Variants in ARHGAP1 observed in about 807,000 individuals in gnomAD.
The protein encoded by ARHGAP1 is Rho GTPase activating protein 1, also known as rho GTPase-activating protein 1.
A neutral mutation model predicts 52.2 loss-of-function variants in ARHGAP1; 23 were observed. The observed-to-expected ratio is 0.44, with a 90% CI of 0.32 to 0.62. The LOEUF (loss-of-function observed/expected upper bound fraction) is 0.62. Among genes scored for constraint, ARHGAP1 ranks in the 20% least tolerant of loss-of-function variants. The pLI is 0.05. For missense variants in ARHGAP1, 480 were observed against 560.9 expected (o/e 0.86, Z 1.46); for synonymous variants, 210 against 228.4 (o/e 0.92, Z 0.73).
rs1592382902 is a variant in ARHGAP1 at position 46,679,485 on chromosome 11, C to G, written c.1028-17G>C. The G allele has an allele frequency of 7.0e-7, 1 of 1,432,280 alleles. No individual in the cohort carries two copies. 88.7% of individuals were successfully genotyped at this position (1,432,280 alleles called of 1,614,324 possible). On this transcript the variant is annotated splice_polypyrimidine_tract_variant and intron_variant, in intron 11 of 12. Coordinates refer to ENST00000311956, the MANE Select transcript of ARHGAP1 (RefSeq NM_004308.5). The surrounding 1 kb of genome is among the most constrained non-coding windows in gnomAD (Gnocchi z 4.4). ...CATCAATGTCTATGAGGAAAGGAGGCCCGGGTTATAGGGGCCCTAGGCTGG... is the reference window on the plus strand; with the variant it reads ...CATCAATGTCTATGAGGAAAGGAGGGCCGGGTTATAGGGGCCCTAGGCTGG...
chr11:46,679,976 G>A lies in ARHGAP1; in HGVS notation c.899-200C>T. ...CGGCCATCTGGGGAAGTGGGGCCCG[G>A]CACACCCCACCGTTATTCCTTGCCT... On this transcript the variant is annotated intron_variant, in intron 10 of 12. Coordinates refer to ENST00000311956, the MANE Select transcript of ARHGAP1 (RefSeq NM_004308.5). The surrounding 1 kb of genome is among the most constrained non-coding windows in gnomAD (Gnocchi z 4.4). The A allele has an allele frequency of 1.9e-6, 2 of 1,043,138 alleles. No individual in the cohort carries two copies. Among genetic ancestry groups the A allele is most frequent in the African/African-American group, 1.6e-5 (1 of 62,238 alleles). 64.6% of individuals were successfully genotyped at this position (1,043,138 alleles called of 1,614,324 possible).
At chr11:46,699,572 G>A (rs375313060) in intron 1 of ARHGAP1, among the ~76,000 whole-genome samples, 3 of 131,684 alleles carry the variant, frequency 2.3e-5, no homozygotes, top group East Asian at 2.1e-4. Flanking sequence ...GTGTGGTGGC[G>A]CGCGCCTGTA....
intron 3 of ARHGAP1, among the ~76,000 whole-genome samples, chr11:46,694,820 T>C (rs1223118174): frequency 6.6e-6 from 1 of 152,166 alleles, no homozygotes; most frequent in African/African-American, 2.4e-5. Context: ...TCCTCTCAAC[T>C]GCCCCCTCCC....
chr11:46,688,962 T>C (rs1463959358), intron 3 of ARHGAP1, among the ~76,000 whole-genome samples: 2 of 151,522 alleles, frequency 1.3e-5, no homozygotes, highest in Non-Finnish European at 2.9e-5. Flanking sequence ...TGCACACCTA[T>C]AGTCCCAGCT....
chr11:46,693,461 A>G (rs934334352), intron 3 of ARHGAP1, among the ~76,000 whole-genome samples: 2 of 150,468 alleles, frequency 1.3e-5, no homozygotes, highest in Non-Finnish European at 3.0e-5. Context: ...GCTGGAGTGC[A>G]GTGGTTCAAT....
chr11:46,683,460 C>G (rs1336359066), intron 4 of ARHGAP1, among the ~76,000 whole-genome samples: 2 of 152,124 alleles, frequency 1.3e-5, no homozygotes, highest in Non-Finnish European at 2.9e-5. Context: ...GTCACCTGCT[C>G]CAGTCACTGG....
In ARHGAP1 at chr11:46,680,282, G is replaced by T; in HGVS notation, c.821C>A (p.Ala274Asp). Residue 274 changes from alanine (A) to aspartate (D), a missense_variant and splice_region_variant, in exon 10 of 13, where the codon GCT becomes GAT. Physicochemically the swap from Ala to Asp is moderately radical, Grantham distance 126. Coordinates refer to ENST00000311956, the MANE Select transcript of ARHGAP1 (RefSeq NM_004308.5). This position sits in a 1 kb window ranked among gnomAD's most constrained non-coding sequence, Gnocchi z 5.9. ...RETVAYLQAH[A>D]LTTEGIFRRS... ...CCGGAAGATGCCCTCGGTGGTGAGA[G>T]CTGGGAAACAGTAGGGCCTGGTGAG... 3 of 1,614,128 alleles carry T rather than the reference G, an allele frequency of 1.9e-6. No individual in the cohort carries two copies. Among genetic ancestry groups the T allele is most frequent in the East Asian group, 2.2e-5 (1 of 44,878 alleles).
Position 46,678,987 on chromosome 11 carries a change from A to G in ARHGAP1, c.*50T>C. 6.3e-7 allele frequency: 1 copy of G among 1,589,576 alleles called. No individual in the cohort carries two copies. Among genetic ancestry groups the G allele is most frequent in the Non-Finnish European group, 8.6e-7 (1 of 1,162,248 alleles). ...CATGGCCCCTGATGCCAGGAGGAAG[A>G]GTCCAAACCCGGGCTACCAGAGAAG... is the stretch of plus-strand genomic sequence containing the variant. On this transcript the variant is annotated 3_prime_UTR_variant, in exon 13 of 13. Coordinates refer to ENST00000311956, the MANE Select transcript of ARHGAP1 (RefSeq NM_004308.5).
In ARHGAP1 at chr11:46,679,488, G is replaced by T; in HGVS notation, c.1028-20C>A. On this transcript the variant is annotated intron_variant, in intron 11 of 12. Coordinates refer to ENST00000311956, the MANE Select transcript of ARHGAP1 (RefSeq NM_004308.5). The surrounding 1 kb of genome is among the most constrained non-coding windows in gnomAD (Gnocchi z 4.4). The stretch of plus-strand genomic sequence containing the variant: ...CAATGTCTATGAGGAAAGGAGGCCC[G>T]GGTTATAGGGGCCCTAGGCTGGGCT... The T allele has an allele frequency of 6.2e-7, 1 of 1,612,260 alleles. No individual in the cohort carries two copies. Among genetic ancestry groups the T allele is most frequent in the South Asian group, 1.1e-5 (1 of 91,000 alleles).
rs1592384182 is a variant in ARHGAP1 at position 46,680,854 on chromosome 11, T to C, written c.636-107A>G. 1 of 1,074,366 alleles carries C rather than the reference T, an allele frequency of 9.3e-7. No homozygotes were observed. The highest frequency in any genetic ancestry group is 1.6e-5 in the African/African-American group (1 of 63,348). 66.6% of individuals were successfully genotyped at this position (1,074,366 alleles called of 1,614,324 possible). ...GGGTCAGGAGGATCATCTCATGCGATCTCTGTAACAACTCCGCTTTCCACA... is the reference window on the plus strand; with the variant it reads ...GGGTCAGGAGGATCATCTCATGCGACCTCTGTAACAACTCCGCTTTCCACA... On this transcript the variant is annotated intron_variant, in intron 7 of 12. Coordinates refer to ENST00000311956, the MANE Select transcript of ARHGAP1 (RefSeq NM_004308.5). The surrounding 1 kb of genome is among the most constrained non-coding windows in gnomAD (Gnocchi z 5.9).
At chr11:46,685,376 G>A (rs2064561143) in intron 4 of ARHGAP1, among the ~76,000 whole-genome samples, 1 of 149,484 alleles carries the variant, frequency 6.7e-6, no homozygotes, top group Non-Finnish European at 1.5e-5. Flanking sequence ...TGCCCAGGGT[G>A]GAGTGCAATG....
intron 1 of ARHGAP1, among the ~76,000 whole-genome samples, chr11:46,700,161 AAAAT>A (rs777477270): frequency 1.5e-3 from 226 of 152,338 alleles, no homozygotes; most frequent in Middle Eastern, 3.4e-3. Context: ...CCGTCTTAAA[AAAAT>A]AAATAAGTTG....
At chr11:46,690,588 A>T (rs1194472831) in intron 3 of ARHGAP1, among the ~76,000 whole-genome samples, 1 of 152,114 alleles carries the variant, frequency 6.6e-6, no homozygotes. Context: ...GTTTCTAAGC[A>T]TTCTATCCTT....
At position 46,679,315 on chromosome 11, in the gene ARHGAP1, G is replaced by A; in HGVS notation, c.1131+50C>T. On this transcript the variant is annotated intron_variant, in intron 12 of 12. Coordinates refer to ENST00000311956, the MANE Select transcript of ARHGAP1 (RefSeq NM_004308.5). The surrounding 1 kb of genome is among the most constrained non-coding windows in gnomAD (Gnocchi z 4.4). Reference sequence around the variant, plus strand: ...TGACCAGGGCGCAGAGGAGGCGGCAGCTCCTCCTTCCCCCTCCCTTCACCC... The same window carrying A: ...TGACCAGGGCGCAGAGGAGGCGGCAACTCCTCCTTCCCCCTCCCTTCACCC... The A allele has an allele frequency of 6.2e-7, 1 of 1,604,322 alleles. No homozygotes were observed. The highest frequency in any genetic ancestry group is 8.5e-7 in the Non-Finnish European group (1 of 1,172,488).
Position 46,681,946 on chromosome 11 carries a change from A to AC in ARHGAP1, c.449+104dup. 1 of 1,516,254 alleles carries AC rather than the reference A, an allele frequency of 6.6e-7. No individual in the cohort carries two copies. Among genetic ancestry groups the AC allele is most frequent in the African/African-American group, 1.4e-5 (1 of 72,862 alleles). 93.9% of individuals were successfully genotyped at this position (1,516,254 alleles called of 1,614,324 possible). On this transcript the variant is annotated intron_variant, in intron 5 of 12. Coordinates refer to ENST00000311956, the MANE Select transcript of ARHGAP1 (RefSeq NM_004308.5). The surrounding 1 kb of genome is among the most constrained non-coding windows in gnomAD (Gnocchi z 5.7). ...ATTGACGTAGACGGCAGCCCCCGCC[A>AC]CCCCCTGCCTTGGAATAAGCTCCTG...
rs73454026 is a variant in ARHGAP1 at position 46,696,224 on chromosome 11, G to A, written c.-49-68C>T. The A allele has an allele frequency of 2.4e-3, 2,694 of 1,119,500 alleles. 42 individuals are homozygous for A. In the African/African-American group the frequency reaches 0.031, roughly 13 times the overall value. The allele number at this position is 1,119,500 out of a possible 1,614,324, so 69.3% of individuals were successfully genotyped here. A position where few individuals can be genotyped will look rare whatever the true frequency, so the allele number is the denominator to read the frequency against. ...TTTCACCTTCTGCGACCTCCACCGCGTGCCCTCCTGCCCCCACCATTCCCT... is the reference window on the plus strand; with the variant it reads ...TTTCACCTTCTGCGACCTCCACCGCATGCCCTCCTGCCCCCACCATTCCCT... On this transcript the variant is annotated intron_variant, in intron 1 of 12. Transcript: ENST00000311956. The surrounding 1 kb of genome is among the most constrained non-coding windows in gnomAD (Gnocchi z 4.8).
rs747198102 is a variant in ARHGAP1, at chr11:46,679,380, A to C, written c.1116T>G (p.Thr372=). The C allele has an allele frequency of 6.8e-6, 11 of 1,613,948 alleles. No homozygotes were observed. The highest frequency in any genetic ancestry group is 6.7e-5 in the Admixed American group (4 of 59,998). Residue 372 remains threonine (T), a synonymous_variant, in exon 12 of 13, where the codon ACT becomes ACG. Transcript: ENST00000311956. This position sits in a 1 kb window ranked among gnomAD's most constrained non-coding sequence, Gnocchi z 4.4. ...EENYQVLRFL[T]AFLVQISAHS... is the part of the protein sequence containing the mutation. ...AAGGTCTCACCTGCACCAGGAAAGCAGTCAGGAAACGAAGCACCTGGTAGT... is the reference window on the plus strand; with the variant it reads ...AAGGTCTCACCTGCACCAGGAAAGCCGTCAGGAAACGAAGCACCTGGTAGT...
Position 46,681,199 on chromosome 11 carries a change from C to T in ARHGAP1, c.537-90G>A. 3 of 1,536,224 alleles carry T rather than the reference C, an allele frequency of 2.0e-6. No individual in the cohort carries two copies. The highest frequency in any genetic ancestry group is 2.7e-6 in the Non-Finnish European group (3 of 1,109,804). On this transcript the variant is annotated intron_variant, in intron 6 of 12. Coordinates refer to ENST00000311956, the MANE Select transcript of ARHGAP1 (RefSeq NM_004308.5). This position sits in a 1 kb window ranked among gnomAD's most constrained non-coding sequence, Gnocchi z 5.7. ...AACACCCACCCAGTTCAGACGGAAGCCCAGCCGCACCTGGTGGTCCCCAGG... is the reference window on the plus strand; with the variant it reads ...AACACCCACCCAGTTCAGACGGAAGTCCAGCCGCACCTGGTGGTCCCCAGG...
Position 46,681,100 on chromosome 11 carries a change from G to A in ARHGAP1, c.546C>T (p.Phe182=), listed in dbSNP as rs760327719. The A allele has an allele frequency of 7.4e-6, 12 of 1,614,024 alleles. No individual in the cohort carries two copies. The highest frequency in any genetic ancestry group is 1.6e-4 in the Middle Eastern group (1 of 6,078). Residue 182 remains phenylalanine (F), a synonymous_variant, in exon 7 of 13, where the codon TTC becomes TTT. Transcript: ENST00000311956. The surrounding 1 kb of genome is among the most constrained non-coding windows in gnomAD (Gnocchi z 5.7). ...ILFKPLISFK[F]GQKIFYVNYL... ...AATTCACATAGAAGATCTTCTGCCC[G>A]AACTTGAAGCTGTTGGTGGAAGAAA...
Sources: allele counts gnomAD v4.1 joint callset (sites outside exome capture counted in the v4.1 genomes callset), GRCh38; gene constraint gnomAD v4.1.1; non-coding constraint Gnocchi (gnomAD v3.1); transcripts MANE v1.5; gene names NCBI Gene and HGNC (gene_info 2026-07-23, HGNC 2026-07-21).